MSH3: variants seen among roughly 807,000 people sequenced by gnomAD.
The protein encoded by MSH3 is DNA mismatch repair protein Msh3.
MSH3 carries 106 observed loss-of-function variants against 123.3 expected under a neutral mutation model. That is an observed-to-expected ratio of 0.86 (90% CI 0.73 to 1.01). MSH3 has a LOEUF of 1.01. Among genes scored for constraint, MSH3 ranks in the 50% least tolerant of loss-of-function variants. The pLI is 0.00. For missense variants in MSH3, 1,459 were observed against 1,347.6 expected (o/e 1.08, Z -1.29); for synonymous variants, 515 against 481.4 (o/e 1.07, Z -0.91).
At chr5:80,772,793 G>T (rs183051446) in intron 15 of MSH3, among the ~76,000 whole-genome samples, 3 of 152,314 alleles carry the variant, frequency 2.0e-5, no homozygotes, top group Admixed American at 2.0e-4. Flanking sequence ...TAGAAGAGAA[G>T]AAAAGCTAGC....
At chr5:80,776,343 A>T (rs569478022) in intron 16 of MSH3, among the ~76,000 whole-genome samples, 1 of 152,254 alleles carries the variant, frequency 6.6e-6, no homozygotes, top group East Asian at 1.9e-4. Context: ...GTACACATGG[A>T]AGAAAAGTTG....
Position 80,875,688 on chromosome 5 carries a change from A to C in MSH3, c.3303-63A>C. The C allele has an allele frequency of 3.2e-6, 3 of 940,954 alleles. No individual in the cohort carries two copies. In the South Asian group the frequency reaches 4.1e-5, roughly 13 times the overall value. 58.3% of individuals were successfully genotyped at this position (940,954 alleles called of 1,614,324 possible). On this transcript the variant is annotated intron_variant, in intron 23 of 23. Coordinates refer to ENST00000265081, the MANE Select transcript of MSH3 (RefSeq NM_002439.5). ...TGTTATAGACTTTTCATAGCTTCTGATGAGACGTATTGTCTCCCAGCAATT... is the reference window on the plus strand; with the variant it reads ...TGTTATAGACTTTTCATAGCTTCTGCTGAGACGTATTGTCTCCCAGCAATT...
chr5:80,701,349 T>C (rs962527189), intron 8 of MSH3, among the ~76,000 whole-genome samples: 16 of 152,178 alleles, frequency 1.1e-4, no homozygotes, highest in African/African-American at 3.9e-4. Flanking sequence ...CTCTTCTTTC[T>C]GCAAGGAGGC....
rs546408353 is a variant in MSH3, at chr5:80,833,168, C to T, written c.2813+19427C>T. Among the ~76,000 whole-genome samples the T allele has an allele frequency of 1.8e-4, 27 of 152,118 alleles. 1 individual carries two copies. The South Asian group carries it at 5.4e-3, about 30-fold the overall frequency. ...GAGTAGGGGGATTAGAAAGATTAGT[C>T]AGCTGCCACTCCTAAAAATATCAGA... On this transcript the variant is annotated intron_variant, in intron 20 of 23. Transcript: ENST00000265081.
chr5:80,741,508 A>G lies in MSH3; in HGVS notation c.1613A>G (p.Asn538Ser), dbSNP rs2112866808. ...LSSKMEFMTI[N>S]GTTLRNLEIL... ...AGTAAAATGGAATTTATGACAATTA[A>G]TGGAACAACATTAAGGAATCTGGAA... Residue 538 changes from asparagine to serine, a missense_variant, in exon 11 of 24, where the codon AAT becomes AGT. Transcript: ENST00000265081. 6.2e-7 allele frequency: 1 copy of G among 1,608,188 alleles called. No homozygotes were observed. The highest frequency in any genetic ancestry group is 8.5e-7 in the Non-Finnish European group (1 of 1,174,566).
chr5:80,826,419 G>T (rs981362726), intron 20 of MSH3, among the ~76,000 whole-genome samples: 2 of 152,090 alleles, frequency 1.3e-5, no homozygotes, highest in Non-Finnish European at 2.9e-5. Flanking sequence ...TTATCAATTG[G>T]CCATTTAGAA....
chr5:80,842,462 G>T (rs1745643723), intron 20 of MSH3, among the ~76,000 whole-genome samples: 1 of 152,146 alleles, frequency 6.6e-6, no homozygotes, highest in Non-Finnish European at 1.5e-5. Flanking sequence ...GTAGCTTGAT[G>T]TGGGAGATAG....
At chr5:80,692,829 A>T (rs919837741) in intron 8 of MSH3, among the ~76,000 whole-genome samples, 4 of 127,564 alleles carry the variant, frequency 3.1e-5, no homozygotes, top group African/African-American at 1.1e-4. Context: ...ATACATACAC[A>T]TGTATATGTT....
chr5:80,756,493 C>T (rs1561467527), intron 12 of MSH3, among the ~76,000 whole-genome samples: 1 of 152,102 alleles, frequency 6.6e-6, no homozygotes, highest in East Asian at 1.9e-4. Context: ...TTCAAACCTT[C>T]ACCCTCCATT....
At chr5:80,838,163 A>C (rs928271195) in intron 20 of MSH3, among the ~76,000 whole-genome samples, 4 of 152,182 alleles carry the variant, frequency 2.6e-5, no homozygotes, top group African/African-American at 9.7e-5. Flanking sequence ...GGTCCCACTC[A>C]CAATAAGAGG....
intron 19 of MSH3, among the ~76,000 whole-genome samples, chr5:80,809,048 T>G (rs970009508): frequency 3.3e-5 from 5 of 151,490 alleles, no homozygotes; most frequent in African/African-American, 1.2e-4. Flanking sequence ...AGTTAATTAG[T>G]TTATAGGGCA....
intron 22 of MSH3, among the ~76,000 whole-genome samples, chr5:80,866,258 C>T (rs781583061): frequency 1.3e-5 from 2 of 152,178 alleles, no homozygotes; most frequent in African/African-American, 2.4e-5. Flanking sequence ...CCCATGTCAG[C>T]CTCCCCGGTA....
intron 20 of MSH3, among the ~76,000 whole-genome samples, chr5:80,850,074 A>G (rs1745803605): frequency 6.6e-6 from 1 of 152,100 alleles, no homozygotes; most frequent in African/African-American, 2.4e-5. Context: ...AGTTCCACAA[A>G]TCTCTAGGGT....
At chr5:80,794,831 A>C (rs1361688282) in intron 19 of MSH3, among the ~76,000 whole-genome samples, 1 of 152,212 alleles carries the variant, frequency 6.6e-6, no homozygotes, top group African/African-American at 2.4e-5. Context: ...TAGATAGCTT[A>C]GATTGAGGAC....
intron 21 of MSH3, among the ~76,000 whole-genome samples, chr5:80,862,409 C>T (rs569705729): frequency 2.6e-5 from 4 of 152,198 alleles, no homozygotes; most frequent in Admixed American, 1.3e-4. Context: ...GTTAACTTTC[C>T]TCCAGATAGA....
intron 19 of MSH3, among the ~76,000 whole-genome samples, chr5:80,797,820 C>G (rs1283509666): frequency 6.6e-6 from 1 of 152,168 alleles, no homozygotes; most frequent in Non-Finnish European, 1.5e-5. Context: ...CCCCACCCAC[C>G]ACCTGTGGGT....
rs1750379077 is a variant in MSH3 at position 80,693,448 on chromosome 5, T to G, written c.1340+14355T>G. Reference sequence around the variant, plus strand: ...ATACATGCACATGTATATGTTTATATAGATAAATATACATGCACATGTATA... The same window carrying G: ...ATACATGCACATGTATATGTTTATAGAGATAAATATACATGCACATGTATA... On this transcript the variant is annotated intron_variant, in intron 8 of 23. Coordinates refer to ENST00000265081, the MANE Select transcript of MSH3 (RefSeq NM_002439.5). Among the ~76,000 whole-genome samples, 2 of 127,666 alleles carry G rather than the reference T, an allele frequency of 1.6e-5. 1 individual carries two copies. Among genetic ancestry groups the G allele is most frequent in the Non-Finnish European group, 3.5e-5 (2 of 57,482 alleles). The allele number at this position is 127,666 out of a possible 152,430, so 83.8% of individuals were successfully genotyped here.
intron 20 of MSH3, among the ~76,000 whole-genome samples, chr5:80,831,999 A>T (rs1318575609): frequency 6.6e-6 from 1 of 152,018 alleles, no homozygotes; most frequent in Non-Finnish European, 1.5e-5. Context: ...AGTCCCAGCT[A>T]CTCGGGAGGC....
chr5:80,700,979 C>G (rs1750595972), intron 8 of MSH3, among the ~76,000 whole-genome samples: 1 of 152,186 alleles, frequency 6.6e-6, no homozygotes, highest in Admixed American at 6.5e-5. Context: ...TTTGTAAATA[C>G]ACCTGTTCAT....
Sources: gnomAD v4.1 joint callset for allele counts (sites outside exome capture counted in the v4.1 genomes callset) on GRCh38, gnomAD v4.1.1 for gene constraint, MANE v1.5 for transcripts, NCBI Gene and HGNC (gene_info 2026-07-23, HGNC 2026-07-21) for gene names.